Variants in KCTD1 observed in about 807,000 individuals in gnomAD.
The protein encoded by KCTD1 is BTB/POZ domain-containing protein KCTD1.
In KCTD1, 24 loss-of-function variants were observed where a neutral mutation model predicts 66.0. The observed-to-expected ratio is 0.36, with a 90% CI of 0.26 to 0.51. The LOEUF (loss-of-function observed/expected upper bound fraction) is 0.51. Among genes scored for constraint, KCTD1 ranks in the 20% least tolerant of loss-of-function variants. The pLI is 0.95. For missense variants in KCTD1, 943 were observed against 1,205.2 expected (o/e 0.78, Z 3.22); for synonymous variants, 511 against 517.2 (o/e 0.99, Z 0.16).
At chr18:26,609,194 C>G (rs903227780) in intron 1 of KCTD1, among the ~76,000 whole-genome samples, 3 of 152,138 alleles carry the variant, frequency 2.0e-5, no homozygotes, top group Non-Finnish European at 4.4e-5. Flanking sequence ...ACAAGTCCTG[C>G]CATGTCAGCC....
intron 1 of KCTD1, among the ~76,000 whole-genome samples, chr18:26,649,710 A>G (rs1270377662): frequency 6.6e-6 from 1 of 152,102 alleles, no homozygotes; most frequent in African/African-American, 2.4e-5. Flanking sequence ...GGGTTTCACC[A>G]TGTTGGCCAG....
chr18:26,484,992 C>T (rs1376780413), intron 2 of KCTD1, among the ~76,000 whole-genome samples: 1 of 152,114 alleles, frequency 6.6e-6, no homozygotes, highest in Non-Finnish European at 1.5e-5. Flanking sequence ...GATAAGGGCG[C>T]CATTATTCAC....
chr18:26,593,721 G>A (rs1986694820), intron 1 of KCTD1, among the ~76,000 whole-genome samples: 1 of 91,418 alleles, frequency 1.1e-5, no homozygotes, highest in African/African-American at 4.5e-5. Context: ...AAGATAAGGA[G>A]GAGGAGAAAG....
intron 1 of KCTD1, among the ~76,000 whole-genome samples, chr18:26,537,198 G>A (rs1301271900): frequency 6.6e-6 from 1 of 152,068 alleles, no homozygotes; most frequent in African/African-American, 2.4e-5. Flanking sequence ...TAAACATTCA[G>A]CAAGTCTCTT....
At chr18:26,502,961 G>A (rs555735553) in intron 1 of KCTD1, among the ~76,000 whole-genome samples, 2 of 152,196 alleles carry the variant, frequency 1.3e-5, no homozygotes, top group Non-Finnish European at 2.9e-5. Flanking sequence ...GGGCACAACT[G>A]TTAGACTACT....
chr18:26,525,331 T>G (rs1263748939), intron 1 of KCTD1, among the ~76,000 whole-genome samples: 1 of 152,190 alleles, frequency 6.6e-6, no homozygotes, highest in Non-Finnish European at 1.5e-5. Context: ...CAACAATGCA[T>G]GTGCTCTGAT....
At position 26,476,814 on chromosome 18, in the gene KCTD1, T is replaced by A. The variant is rs1250164977; in HGVS notation, c.1989-155A>T. On this transcript the variant is annotated intron_variant, in intron 2 of 4. Coordinates refer to ENST00000580059, the MANE Select transcript of KCTD1 (RefSeq NM_001142730.3). This position sits in a 1 kb window ranked among gnomAD's most constrained non-coding sequence, Gnocchi z 4.9. ...CTGCAAAGTGTTGGTCCCCGCTTGA[T>A]AAATATCTCAGGACGAGACCATTCA... is the stretch of plus-strand genomic sequence containing the variant. 7.9e-6 allele frequency: 5 copies of A among 635,176 alleles called. No individual in the cohort carries two copies. Among genetic ancestry groups the A allele is most frequent in the Non-Finnish European group, 1.4e-5 (5 of 366,402 alleles). 39.3% of individuals were successfully genotyped at this position (635,176 alleles called of 1,614,324 possible).
intron 1 of KCTD1, among the ~76,000 whole-genome samples, chr18:26,637,168 G>T (rs1987741880): frequency 6.6e-6 from 1 of 152,138 alleles, no homozygotes; most frequent in Non-Finnish European, 1.5e-5. Flanking sequence ...TTTCCTGTGA[G>T]GTACTTGGAA....
chr18:26,516,362 T>C (rs1169867109), intron 1 of KCTD1, among the ~76,000 whole-genome samples: 2 of 152,176 alleles, frequency 1.3e-5, no homozygotes, highest in Non-Finnish European at 2.9e-5. Context: ...CCTCTGCAAG[T>C]GGGCCCTTTT....
At chr18:26,650,491 T>C (rs1208003401) in intron 1 of KCTD1, among the ~76,000 whole-genome samples, 2 of 152,250 alleles carry the variant, frequency 1.3e-5, no homozygotes, top group Admixed American at 1.3e-4. Flanking sequence ...TCTCATTTTA[T>C]TCTCTGAACA....
chr18:26,504,131 A>T (rs974580936), intron 1 of KCTD1, among the ~76,000 whole-genome samples: 1 of 151,836 alleles, frequency 6.6e-6, no homozygotes, highest in African/African-American at 2.4e-5. Flanking sequence ...CAGTGGTGTG[A>T]TCAAAGCTGC....
intron 1 of KCTD1, among the ~76,000 whole-genome samples, chr18:26,652,352 C>T (rs1461544276): frequency 6.6e-6 from 1 of 152,132 alleles, no homozygotes; most frequent in Non-Finnish European, 1.5e-5. Flanking sequence ...AGAAAAGTAG[C>T]TTATGGAATT....
chr18:26,621,280 C>G (rs1290140159), intron 1 of KCTD1, among the ~76,000 whole-genome samples: 1 of 152,034 alleles, frequency 6.6e-6, no homozygotes, highest in Non-Finnish European at 1.5e-5. Flanking sequence ...GATTATTGCT[C>G]CCCTAACCTC....
chr18:26,533,829 A>T (rs1435515034), intron 1 of KCTD1, among the ~76,000 whole-genome samples: 1 of 9,570 alleles, frequency 1.0e-4, no homozygotes, highest in African/African-American at 4.3e-4. Context: ...CTATTATTTA[A>T]AAAAAAAAAA....
intron 1 of KCTD1, among the ~76,000 whole-genome samples, chr18:26,502,482 C>T (rs752386924): frequency 6.6e-6 from 1 of 152,152 alleles, no homozygotes; most frequent in Non-Finnish European, 1.5e-5. Flanking sequence ...CGTGAACCAC[C>T]TCACCCAGGT....
At chr18:26,596,809 TATA>T (rs1986776167) in intron 1 of KCTD1, among the ~76,000 whole-genome samples, 1 of 152,284 alleles carries the variant, frequency 6.6e-6, no homozygotes, top group Non-Finnish European at 1.5e-5. Flanking sequence ...TACTACTCTC[TATA>T]ATGTTTGTCT....
At chr18:26,629,120 G>C (rs1280681959) in intron 1 of KCTD1, 1 of 942,168 alleles carries the variant, frequency 1.1e-6, no homozygotes, top group East Asian at 1.2e-4. Flanking sequence ...AAATTATGAG[G>C]GAGGAAGTGT....
intron 1 of KCTD1, among the ~76,000 whole-genome samples, chr18:26,528,610 T>A (rs1021811212): frequency 1.3e-5 from 2 of 152,200 alleles, no homozygotes; most frequent in Non-Finnish European, 2.9e-5. Context: ...GCCATGTTTC[T>A]GTTCCTCCTT....
intron 1 of KCTD1, among the ~76,000 whole-genome samples, chr18:26,509,952 T>C (rs1983251985): frequency 6.6e-6 from 1 of 152,206 alleles, no homozygotes; most frequent in Admixed American, 6.5e-5. Flanking sequence ...AAGATGGCAG[T>C]AGATGAGACA....
Sources: allele counts gnomAD v4.1 joint callset (sites outside exome capture counted in the v4.1 genomes callset), GRCh38; gene constraint gnomAD v4.1.1; non-coding constraint Gnocchi (gnomAD v3.1); transcripts MANE v1.5; gene names NCBI Gene and HGNC (gene_info 2026-07-23, HGNC 2026-07-21).